The following FUT8 variants were observed in gnomAD, a reference collection of about 807,000 sequenced individuals.
The protein encoded by FUT8 is fucosyltransferase 8.
Under a neutral mutation model 71.3 loss-of-function variants are expected in FUT8, and 29 were observed. That is an observed-to-expected ratio of 0.41 (90% CI 0.30 to 0.55). The LOEUF is 0.55. Ranked by LOEUF, FUT8 falls within the 20% of genes least tolerant of loss-of-function variation. FUT8 has a pLI of 0.34. For missense variants in FUT8, 544 were observed against 702.1 expected, an observed-to-expected ratio of 0.77 and a Z score of 2.55; for synonymous variants, 254 against 239.3, an observed-to-expected ratio of 1.06 and a Z score of -0.57.
At chr14:65,369,859 A>C in the FUT8 span, among the ~76,000 whole-genome samples, 1,450 of 152,268 alleles carry the variant, frequency 9.5e-3, 26 homozygotes, top group African/African-American at 0.033. This position sits in a 1 kb window ranked among gnomAD's most constrained non-coding sequence, Gnocchi z 4.6. Flanking sequence ...CATGCCACTG[A>C]TCTGTCTATG....
At chr14:65,553,911 C>T (rs571717201) in intron 2 of FUT8, among the ~76,000 whole-genome samples, 3 of 151,856 alleles carry the variant, frequency 2.0e-5, no homozygotes, top group South Asian at 4.2e-4. Flanking sequence ...TAGCAATTCT[C>T]TGCATTTCTT....
At chr14:65,484,131 C>CT (rs1049733544) in intron 2 of FUT8, among the ~76,000 whole-genome samples, 3 of 152,056 alleles carry the variant, frequency 2.0e-5, no homozygotes, top group Non-Finnish European at 4.4e-5. Context: ...ATTCTGGTAG[C>CT]TTTTTTTGTA....
At chr14:65,734,062 A>G (rs375142197) in intron 10 of FUT8, among the ~76,000 whole-genome samples, 9 of 152,284 alleles carry the variant, frequency 5.9e-5, no homozygotes, top group Admixed American at 3.3e-4. Flanking sequence ...TTATGCACAT[A>G]TTATTGGTTA....
upstream of FUT8, among the ~76,000 whole-genome samples, chr14:65,408,048 G>A (rs918962798): frequency 2.0e-5 from 3 of 152,044 alleles, no homozygotes; most frequent in African/African-American, 7.3e-5. Flanking sequence ...TCTAATTCTA[G>A]CATATTCTAG....
chr14:65,431,299 CTTT>C (rs138985726), intron 1 of FUT8, among the ~76,000 whole-genome samples: 35,747 of 98,982 alleles, frequency 0.36, 7,152 homozygotes, highest in Non-Finnish European at 0.48. Context: ...CTGCGCCGGC[CTTT>C]TTTTTTTTTT....
intron 7 of FUT8, among the ~76,000 whole-genome samples, chr14:65,707,950 T>C (rs547305409): frequency 7.7e-4 from 117 of 152,200 alleles, no homozygotes; most frequent in African/African-American, 2.6e-3. Flanking sequence ...ACTATTTGGG[T>C]TTTTTAGTGA....
chr14:65,385,903 G>A, the FUT8 span, among the ~76,000 whole-genome samples: 1 of 152,012 alleles, frequency 6.6e-6, no homozygotes, highest in African/African-American at 2.4e-5. Flanking sequence ...TGTAATCCCA[G>A]CACTTTGGGA....
At chr14:65,494,567 C>A (rs1404227640) in intron 2 of FUT8, among the ~76,000 whole-genome samples, 1 of 152,106 alleles carries the variant, frequency 6.6e-6, no homozygotes, top group East Asian at 1.9e-4. Flanking sequence ...AGAGAATCTA[C>A]TCAGGAGGGG....
At chr14:65,530,037 C>T (rs765040340) in intron 2 of FUT8, among the ~76,000 whole-genome samples, 1 of 152,134 alleles carries the variant, frequency 6.6e-6, no homozygotes, top group Non-Finnish European at 1.5e-5. Flanking sequence ...GGTTTTTACC[C>T]TATGCACATG....
chr14:65,684,117 T>A (rs368709908), intron 7 of FUT8, among the ~76,000 whole-genome samples: 22 of 151,864 alleles, frequency 1.4e-4, no homozygotes, highest in South Asian at 8.3e-4. Flanking sequence ...ATATTAAAAA[T>A]ATATATATAT....
intron 2 of FUT8, among the ~76,000 whole-genome samples, chr14:65,504,942 C>T (rs2066703866): frequency 6.6e-6 from 1 of 151,978 alleles, no homozygotes; most frequent in African/African-American, 2.4e-5. Flanking sequence ...AACTCCGTCT[C>T]AGAAAAAGAA....
At chr14:65,673,454 T>C (rs967714563) in intron 7 of FUT8, among the ~76,000 whole-genome samples, 12 of 152,230 alleles carry the variant, frequency 7.9e-5, no homozygotes, top group African/African-American at 2.4e-4. Context: ...TGTGGTGGTA[T>C]GGTTAAGACT....
At chr14:65,584,613 A>C (rs1429009108) in intron 3 of FUT8, among the ~76,000 whole-genome samples, 1 of 152,272 alleles carries the variant, frequency 6.6e-6, no homozygotes, top group African/African-American at 2.4e-5. Context: ...ATAATAGATC[A>C]GGTGGTAACA....
intron 1 of FUT8, among the ~76,000 whole-genome samples, chr14:65,414,991 A>T (rs113620067): frequency 9.2e-5 from 14 of 152,314 alleles, no homozygotes; most frequent in African/African-American, 3.4e-4. Flanking sequence ...AGATGTATGG[A>T]ATCGAAAAAA....
At chr14:65,699,686 T>G (rs1325530119) in intron 7 of FUT8, among the ~76,000 whole-genome samples, 1 of 152,210 alleles carries the variant, frequency 6.6e-6, no homozygotes, top group Non-Finnish European at 1.5e-5. Context: ...TACTTTCTGC[T>G]CTTCATCTCT....
At chr14:65,597,630 A>T (rs1291804554) in intron 3 of FUT8, among the ~76,000 whole-genome samples, 2 of 152,102 alleles carry the variant, frequency 1.3e-5, no homozygotes, top group Non-Finnish European at 2.9e-5. Flanking sequence ...CTAAAAAAAA[A>T]AAAAACATAA....
intron 2 of FUT8, among the ~76,000 whole-genome samples, chr14:65,535,530 C>T (rs1386784576): frequency 3.9e-5 from 6 of 152,298 alleles, no homozygotes; most frequent in African/African-American, 1.2e-4. Flanking sequence ...TCTTTGGTTT[C>T]TGCCTTACTC....
At chr14:65,462,004 G>C (rs190874478) in intron 2 of FUT8, among the ~76,000 whole-genome samples, 2 of 152,078 alleles carry the variant, frequency 1.3e-5, no homozygotes, top group African/African-American at 2.4e-5. Flanking sequence ...ACAGTCTGTG[G>C]GACTATTGGG....
chr14:65,668,814 T>C (rs938003384), intron 6 of FUT8, among the ~76,000 whole-genome samples: 1 of 151,840 alleles, frequency 6.6e-6, no homozygotes, highest in Non-Finnish European at 1.5e-5. Flanking sequence ...AAAAAGAAAA[T>C]GTGGCACATA....
Sources: allele counts gnomAD v4.1 joint callset (sites outside exome capture counted in the v4.1 genomes callset), GRCh38; gene constraint gnomAD v4.1.1; non-coding constraint Gnocchi (gnomAD v3.1); transcripts MANE v1.5; gene names NCBI Gene and HGNC (gene_info 2026-07-23, HGNC 2026-07-21).